COL20A1: variants seen among roughly 807,000 people sequenced by gnomAD.
COL20A1 encodes collagen type XX alpha 1 chain, also known as collagen alpha-1(XX) chain.
In COL20A1, 164 loss-of-function variants were observed where a neutral mutation model predicts 152.9. The observed-to-expected ratio is 1.07, with a 90% CI of 0.94 to 1.22. The LOEUF (loss-of-function observed/expected upper bound fraction) is 1.22, where lower values mean the gene tolerates loss of function less well. Among genes scored for constraint, COL20A1 ranks in the 50% most tolerant of loss-of-function variants. The probability of loss-of-function intolerance (pLI) is 0.00; values close to 1 mark genes in which losing one functional copy is unlikely to be tolerated. For missense variants in COL20A1, 1,873 were observed against 1,744.8 expected, an observed-to-expected ratio of 1.07 and a Z score of -1.31; for synonymous variants, 864 against 756.0, an observed-to-expected ratio of 1.14 and a Z score of -2.34.
chr20:63,307,896 G>A (rs1035929690), intron 6 of COL20A1, 75 bp from the exon 7 acceptor site: 4 of 1,557,670 alleles, frequency 2.6e-6, no homozygotes, highest in African/African-American at 1.4e-5. Flanking sequence ...CAGCTCTCAG[G>A]TGTGGCCTTG....
chr20:63,314,204 G>C lies in COL20A1; in HGVS notation c.2488+3G>C. 6.4e-7 allele frequency: 1 copy of C among 1,555,654 alleles called. No homozygotes were observed. The highest frequency in any genetic ancestry group is 8.7e-7 in the Non-Finnish European group (1 of 1,149,766). On this transcript the variant is annotated splice_donor_region_variant and intron_variant, in intron 19 of 35. Transcript: ENST00000358894. ...TGTGTCTGCCACGGGCCAGACAGGT[G>C]AGTGGGCACCAAGACCCCAGACCCA...
chr20:63,320,902 G>A (rs536234225), intron 25 of COL20A1, 111 bp from the exon 26 acceptor site: 25 of 784,166 alleles, frequency 3.2e-5, no homozygotes, highest in Admixed American at 7.5e-5. Context: ...TCCCAGGTGC[G>A]GGTCTGGAAG....
At chr20:63,329,443 C>A in intron 34 of COL20A1, 142 bp from the exon 35 acceptor site, 1 of 655,640 alleles carries the variant, frequency 1.5e-6, no homozygotes, top group South Asian at 1.8e-5. Context: ...CACGCTGCTG[C>A]CCCTAGATCT....
intron 15 of COL20A1, 82 bp from the exon 16 acceptor site, chr20:63,312,710 T>C: frequency 4.8e-6 from 7 of 1,468,594 alleles, no homozygotes; most frequent in Non-Finnish European, 3.7e-6. Flanking sequence ...GGGTATAGGG[T>C]GCTCCTGGGT....
Position 63,321,083 on chromosome 20 carries a change from G to A in COL20A1, c.3224G>A (p.Gly1075Glu). The A allele has an allele frequency of 1.9e-6, 3 of 1,598,190 alleles. No homozygotes were observed. The highest frequency in any genetic ancestry group is 2.6e-6 in the Non-Finnish European group (3 of 1,172,838). The change falls in exon 26 of 36, where the codon GGA becomes GAA. Residue 1075 changes from glycine (G) to glutamate (E), a missense_variant. By Grantham distance (98) the Gly-to-Glu change is moderately conservative. Coordinates refer to ENST00000358894, the MANE Select transcript of COL20A1 (RefSeq NM_020882.4). ...TCCTCAGAGACCCCTGGGCCCCCAGGACCTCAAGGACCCCCAGTGAGTCCA... is the reference window on the plus strand; with the variant it reads ...TCCTCAGAGACCCCTGGGCCCCCAGAACCTCAAGGACCCCCAGTGAGTCCA... ...SCSSETPGPP[G>E]PQGPPGLPGR...
chr20:63,319,644 G>A lies in COL20A1; in HGVS notation c.2916+48G>A. ...TCTCCCCCGTTCCCCCAGCTCTGGG[G>A]CAGCCCAGCCCCACAGGGACCTGCC... On this transcript the variant is annotated intron_variant, in intron 23 of 35. Coordinates refer to ENST00000358894, the MANE Select transcript of COL20A1 (RefSeq NM_020882.4). This position sits in a 1 kb window ranked among gnomAD's most constrained non-coding sequence, Gnocchi z 4.4. 1.4e-6 allele frequency: 2 copies of A among 1,385,092 alleles called. No homozygotes were observed. The highest frequency in any genetic ancestry group is 2.0e-6 in the Non-Finnish European group (2 of 1,000,444). 85.8% of individuals were successfully genotyped at this position (1,385,092 alleles called of 1,614,324 possible).
chr20:63,315,953 T>G (rs1009233031), intron 20 of COL20A1, among the ~76,000 whole-genome samples: 2 of 152,228 alleles, frequency 1.3e-5, no homozygotes, highest in African/African-American at 4.8e-5. Flanking sequence ...CTTCACTTTG[T>G]ACCAATTAGT....
rs2123443415 is a variant in COL20A1, at chr20:63,330,842, G to A, written c.*126G>A. On this transcript the variant is annotated 3_prime_UTR_variant, in exon 36 of 36. Transcript: ENST00000358894. Reference sequence around the variant, plus strand: ...CTCAGGAAGAGCCTGCAGGTGGAAGGAGAGGGAAGCAGCGGCCTCGGCCAA... The same window carrying A: ...CTCAGGAAGAGCCTGCAGGTGGAAGAAGAGGGAAGCAGCGGCCTCGGCCAA... 6.6e-6 allele frequency: 1 copy of A among 152,362 alleles called. No homozygotes were observed. The highest frequency in any genetic ancestry group is 1.5e-5 in the Non-Finnish European group (1 of 68,108). 9.4% of individuals were successfully genotyped at this position (152,362 alleles called of 1,614,324 possible).
At chr20:63,293,917 G>C (rs1240902607) in intron 1 of COL20A1, among the ~76,000 whole-genome samples, 14 of 132,778 alleles carry the variant, frequency 1.1e-4, no homozygotes, top group Middle Eastern at 3.8e-3. Context: ...CAGGGGGTGG[G>C]AGGGCCTGGG....
At chr20:63,298,063 T>A in intron 3 of COL20A1, 43 bp downstream of exon 3, 6 of 1,402,084 alleles carry the variant, frequency 4.3e-6, no homozygotes, top group Non-Finnish European at 6.0e-6. Context: ...CATTAGCACG[T>A]GCCGAGGACA....
At position 63,304,733 on chromosome 20, in the gene COL20A1, C is replaced by G. The variant is rs568145493; in HGVS notation, c.194-684C>G. ...CAGGTGTGGGTTCCTCCCTCCCTCC[C>G]TCCCTCGAGGTGTGCAAGTGTGGAT... On this transcript the variant is annotated intron_variant, in intron 3 of 35. Coordinates refer to ENST00000358894, the MANE Select transcript of COL20A1 (RefSeq NM_020882.4). Among the ~76,000 whole-genome samples the G allele has an allele frequency of 1.4e-4, 22 of 152,230 alleles. No homozygotes were observed. The South Asian group carries it at 4.1e-3, about 29-fold the overall frequency.
rs1390662689 is a variant in COL20A1, at chr20:63,306,275, C to T, written c.496+236C>T. Among the ~76,000 whole-genome samples, 3 of 86,578 alleles carry T rather than the reference C, an allele frequency of 3.5e-5. No individual in the cohort carries two copies. Among genetic ancestry groups the T allele is most frequent in the Non-Finnish European group, 7.3e-5 (3 of 41,154 alleles). 56.8% of individuals were successfully genotyped at this position (86,578 alleles called of 152,430 possible). On this transcript the variant is annotated intron_variant, in intron 5 of 35. Coordinates refer to ENST00000358894, the MANE Select transcript of COL20A1 (RefSeq NM_020882.4). This position sits in a 1 kb window ranked among gnomAD's most constrained non-coding sequence, Gnocchi z 6.9. The stretch of plus-strand genomic sequence containing the variant: ...ACCACGAGGCCGGGAAGTTCTTCCT[C>T]GTGTCTGACCACACGGTCTCTGACC...
Position 63,326,780 on chromosome 20 carries a change from G to A in COL20A1, c.3485G>A (p.Gly1162Asp). 2.0e-6 allele frequency: 3 copies of A among 1,495,052 alleles called. No individual in the cohort carries two copies. The highest frequency in any genetic ancestry group is 2.6e-6 in the Non-Finnish European group (3 of 1,132,950). 92.6% of individuals were successfully genotyped at this position (1,495,052 alleles called of 1,614,324 possible). ...TTCCAGGGCATGGCAGGGGCCAGGG[G>A]CACTAGTGGAGAGCGAGGACCTCCA... Reference protein sequence around the residue: ...RGFQGMAGARGTSGERGPPGT... With the variant: ...RGFQGMAGARDTSGERGPPGT... Residue 1162 changes from glycine (G) to aspartate (D), a missense_variant, in exon 31 of 36, where the codon GGC becomes GAC. Physicochemically the swap from Gly to Asp is moderately conservative, Grantham distance 94. Coordinates refer to ENST00000358894, the MANE Select transcript of COL20A1 (RefSeq NM_020882.4).
chr20:63,308,561 G>C lies in COL20A1; in HGVS notation c.795G>C (p.Val265=). 1 of 1,603,878 alleles carries C rather than the reference G, an allele frequency of 6.2e-7. No individual in the cohort carries two copies. Among genetic ancestry groups the C allele is most frequent in the Non-Finnish European group, 8.5e-7 (1 of 1,175,808 alleles). The change falls in exon 8 of 36, where the codon GTG becomes GTC. Residue 265 remains valine, a synonymous_variant. Coordinates refer to ENST00000358894, the MANE Select transcript of COL20A1 (RefSeq NM_020882.4). The part of the protein sequence containing the change: ...NTFTGLALTH[V]LGQNLQPAAG... ...CCCAAGGCCTTGCCCTGACCCACGT[G>C]CTGGGGCAGAACCTGCAGCCGGCGG...
At chr20:63,304,597 G>T (rs1014593363) in intron 3 of COL20A1, among the ~76,000 whole-genome samples, 4 of 143,772 alleles carry the variant, frequency 2.8e-5, no homozygotes, top group Non-Finnish European at 6.1e-5. Flanking sequence ...GCACGTGTGG[G>T]TTCCTCCCTC....
rs372427337 is a variant in COL20A1 at position 63,309,752 on chromosome 20, C to T, written c.1106-6C>T. 1.2e-5 allele frequency: 18 copies of T among 1,562,958 alleles called. No individual in the cohort carries two copies. The highest frequency in any genetic ancestry group is 1.5e-5 in the Non-Finnish European group (17 of 1,157,266). On this transcript the variant is annotated splice_region_variant and splice_polypyrimidine_tract_variant and intron_variant, in intron 9 of 35. Coordinates refer to ENST00000358894, the MANE Select transcript of COL20A1 (RefSeq NM_020882.4). ...CACCTGCCCCCCACTCCCGCTACTC[C>T]AGCAGCAGCGGCTCCAGCCCTGGAC...
chr20:63,317,465 TAAA>T lies in COL20A1; in HGVS notation c.2663+793_2663+795del, dbSNP rs78678381. ...GGCACCAGAGCAATACTCCGTCCCT[TAAA>T]AAAAAAAAAAAAAAAAAAGAAGTTA... On this transcript the variant is annotated intron_variant, in intron 21 of 35. Coordinates refer to ENST00000358894, the MANE Select transcript of COL20A1 (RefSeq NM_020882.4). 7.3e-3 allele frequency among the ~76,000 whole-genome samples: 833 copies of T among 114,512 alleles called. 8 individuals are homozygous for T. The highest frequency in any genetic ancestry group is 0.044 in the Middle Eastern group (9 of 206). The allele number at this position is 114,512 out of a possible 152,430, so 75.1% of individuals were successfully genotyped here.
chr20:63,328,197 C>T, intron 33 of COL20A1, 70 bp downstream of exon 33: 7 of 1,590,082 alleles, frequency 4.4e-6, no homozygotes, highest in Non-Finnish European at 6.0e-6. Flanking sequence ...TGTCTGTCCT[C>T]ACACTGGCCA....
In COL20A1 at chr20:63,305,436, G is replaced by A. The variant is rs747689550; in HGVS notation, c.213G>A (p.Val71=). ...KPMAGDSEQE[V]ILTTKTPKAT... The stretch of plus-strand genomic sequence containing the variant: ...ACCCAGGGGACTCGGAACAGGAGGT[G>A]ATACTGACCACCAAGACCCCTAAGG... Residue 71 remains valine (V), a synonymous_variant, in exon 4 of 36, where the codon GTG becomes GTA. Transcript: ENST00000358894. The surrounding 1 kb of genome is among the most constrained non-coding windows in gnomAD (Gnocchi z 4.9). 12 of 1,584,466 alleles carry A rather than the reference G, an allele frequency of 7.6e-6. No individual in the cohort carries two copies. The South Asian group carries it at 1.3e-4, about 17-fold the overall frequency.
Sources: allele counts gnomAD v4.1 joint callset (sites outside exome capture counted in the v4.1 genomes callset), GRCh38; gene constraint gnomAD v4.1.1; non-coding constraint Gnocchi (gnomAD v3.1); transcripts MANE v1.5; gene names NCBI Gene and HGNC (gene_info 2026-07-23, HGNC 2026-07-21).